ANKRD13A: variants seen among roughly 807,000 people sequenced by gnomAD.
The protein encoded by ANKRD13A is ankyrin repeat domain-containing protein 13A.
ANKRD13A carries 48 observed loss-of-function variants against 81.3 expected under a neutral mutation model. The observed-to-expected ratio is 0.59, with a 90% CI of 0.47 to 0.75. The LOEUF (loss-of-function observed/expected upper bound fraction) is 0.75. Among genes scored for constraint, ANKRD13A ranks in the 30% least tolerant of loss-of-function variants. The pLI is 0.00. For synonymous variants in ANKRD13A, 230 were observed against 270.1 expected (o/e 0.85, Z 1.45); for missense variants, 612 against 734.0 (o/e 0.83, Z 1.92).
intron 12 of ANKRD13A, among the ~76,000 whole-genome samples, chr12:110,033,159 T>C (rs932465068): frequency 6.6e-6 from 1 of 150,804 alleles, no homozygotes; most frequent in African/African-American, 2.4e-5. Flanking sequence ...GTTCATGCCA[T>C]TCTCCTGCCT....
chr12:110,026,707 C>G (rs1046150336), intron 8 of ANKRD13A, among the ~76,000 whole-genome samples: 2 of 152,004 alleles, frequency 1.3e-5, no homozygotes, highest in African/African-American at 4.8e-5. Context: ...TATGGTGAAA[C>G]CCTATCTTTA....
At chr12:110,026,357 T>C (rs1012851040) in intron 8 of ANKRD13A, among the ~76,000 whole-genome samples, 1 of 150,848 alleles carries the variant, frequency 6.6e-6, no homozygotes, top group African/African-American at 2.4e-5. Flanking sequence ...GCGAGTCACC[T>C]GAGGTCGGGA....
intron 1 of ANKRD13A, among the ~76,000 whole-genome samples, chr12:110,007,723 A>C (rs1422256296): frequency 2.0e-5 from 3 of 152,122 alleles, no homozygotes; most frequent in Admixed American, 6.5e-5. Context: ...ATGGTTTAAG[A>C]GTATGTAAGT....
chr12:110,027,686 A>G lies in ANKRD13A; in HGVS notation c.884-19A>G. On this transcript the variant is annotated intron_variant, in intron 8 of 14. Transcript: ENST00000261739. The stretch of plus-strand genomic sequence containing the variant: ...AGTGAGATATAATATTAGACTTTAA[A>G]CTCCCTACCCCTCTGTAGCAGACAG... 1 of 1,613,248 alleles carries G rather than the reference A, an allele frequency of 6.2e-7. No homozygotes were observed. Among genetic ancestry groups the G allele is most frequent in the Non-Finnish European group, 8.5e-7 (1 of 1,179,402 alleles).
In ANKRD13A at chr12:110,019,296, C is replaced by T. The variant is rs973237432; in HGVS notation, c.702C>T (p.Thr234=). The T allele has an allele frequency of 1.2e-6, 2 of 1,610,336 alleles. No individual in the cohort carries two copies. Among genetic ancestry groups the T allele is most frequent in the Non-Finnish European group, 1.7e-6 (2 of 1,178,284 alleles). The change falls in exon 6 of 15, where the codon ACC becomes ACT. Residue 234 remains threonine, a synonymous_variant. Coordinates refer to ENST00000261739, the MANE Select transcript of ANKRD13A (RefSeq NM_033121.2). ...GGCTCACAAGCCCTGTCATTAACAC[C>T]AGCCTCGATACTAAAAATATTGCTT... The part of the protein sequence containing the change: ...ERRLTSPVIN[T]SLDTKNIAFE...
At chr12:110,016,272 T>G in intron 3 of ANKRD13A, 116 bp from the exon 4 acceptor site, 2 of 789,712 alleles carry the variant, frequency 2.5e-6, no homozygotes, top group Non-Finnish European at 3.7e-6. Flanking sequence ...TATTTCTTCT[T>G]ATTTTCTCTT....
Position 110,001,736 on chromosome 12 carries a change from G to T in ANKRD13A, c.96+1952G>T, listed in dbSNP as rs1045147415. Reference sequence around the variant, plus strand: ...TTGCCGGCCTTTTTTCATTTAAAAAGAATTCCAGATACGATAAACTTTTGT... The same window carrying T: ...TTGCCGGCCTTTTTTCATTTAAAAATAATTCCAGATACGATAAACTTTTGT... On this transcript the variant is annotated intron_variant, in intron 1 of 14. Transcript: ENST00000261739. 9.5e-5 allele frequency among the ~76,000 whole-genome samples: 14 copies of T among 148,116 alleles called. No individual in the cohort carries two copies. The Admixed American group carries it at 9.5e-4, about 10-fold the overall frequency.
chr12:110,022,895 T>C (rs1001050760), intron 6 of ANKRD13A, among the ~76,000 whole-genome samples: 1 of 152,186 alleles, frequency 6.6e-6, no homozygotes, highest in African/African-American at 2.4e-5. Flanking sequence ...GCTGTCCTAA[T>C]TGTAGACAAC....
Position 110,016,181 on chromosome 12 carries a change from G to A in ANKRD13A, c.355-207G>A, listed in dbSNP as rs544250267. Among the ~76,000 whole-genome samples, 18 of 150,538 alleles carry A rather than the reference G, an allele frequency of 1.2e-4. No homozygotes were observed. The East Asian group carries it at 2.4e-3, about 20-fold the overall frequency. On this transcript the variant is annotated intron_variant, in intron 3 of 14. Coordinates refer to ENST00000261739, the MANE Select transcript of ANKRD13A (RefSeq NM_033121.2). ...CCAGGCTGGTCTCAAACTCCTGAGC[G>A]CAAGTGATCACCCGCCTCAGCCTCC...
intron 6 of ANKRD13A, chr12:110,023,623 C>G (rs1309661343): frequency 6.0e-6 from 1 of 165,482 alleles, no homozygotes; most frequent in Non-Finnish European, 1.3e-5. Flanking sequence ...GATGTGGCTA[C>G]TTGTGGAGAT....
At chr12:110,035,542 C>T (rs1457507573) in intron 13 of ANKRD13A, among the ~76,000 whole-genome samples, 1 of 151,996 alleles carries the variant, frequency 6.6e-6, no homozygotes, top group Non-Finnish European at 1.5e-5. Flanking sequence ...CTCTGCCTCC[C>T]AGGTTCAAGT....
At chr12:110,027,992 T>G (rs1891441839) in intron 9 of ANKRD13A, 1 of 548,828 alleles carries the variant, frequency 1.8e-6, no homozygotes, top group African/African-American at 1.9e-5. Context: ...ATCAGGTGCT[T>G]TCCCTCTTAT....
At chr12:110,030,239 T>C (rs1469914726) in intron 11 of ANKRD13A, among the ~76,000 whole-genome samples, 1 of 151,226 alleles carries the variant, frequency 6.6e-6, no homozygotes, top group Admixed American at 6.6e-5. Flanking sequence ...TGATCTTGGC[T>C]CACTGCAACC....
intron 12 of ANKRD13A, 106 bp from the exon 13 acceptor site, chr12:110,033,691 T>C (rs560435288): frequency 1.2e-5 from 13 of 1,096,340 alleles, no homozygotes; most frequent in Non-Finnish European, 1.7e-5. Flanking sequence ...GCCTTGATTG[T>C]TATAATTTTG....
intron 9 of ANKRD13A, 67 bp downstream of exon 9, chr12:110,027,833 G>T: frequency 6.6e-7 from 1 of 1,520,344 alleles, no homozygotes; most frequent in South Asian, 1.1e-5. Context: ...TGTCTGGGAT[G>T]GCATTTACTG....
At chr12:110,033,589 G>A (rs1244805991) in intron 12 of ANKRD13A, among the ~76,000 whole-genome samples, 2 of 152,054 alleles carry the variant, frequency 1.3e-5, no homozygotes, top group East Asian at 1.9e-4. Context: ...GACTGTGTTC[G>A]TTGTTTCCAC....
chr12:110,006,608 T>C (rs1890253980), intron 1 of ANKRD13A, among the ~76,000 whole-genome samples: 1 of 152,152 alleles, frequency 6.6e-6, no homozygotes, highest in African/African-American at 2.4e-5. Context: ...TTGTCTTTTT[T>C]TTTTTGAGAT....
At chr12:110,019,539 C>T (rs1447981499) in intron 6 of ANKRD13A, among the ~76,000 whole-genome samples, 1 of 152,140 alleles carries the variant, frequency 6.6e-6, no homozygotes. Context: ...TCTTAGAAGA[C>T]TTAACCAACA....
At chr12:110,026,097 G>A (rs577704526) in intron 8 of ANKRD13A, among the ~76,000 whole-genome samples, 3 of 151,768 alleles carry the variant, frequency 2.0e-5, no homozygotes, top group Non-Finnish European at 4.4e-5. Flanking sequence ...GAGTAGCTGG[G>A]ATTACAAGCA....
Sources: gnomAD v4.1 joint callset for allele counts (sites outside exome capture counted in the v4.1 genomes callset) on GRCh38, gnomAD v4.1.1 for gene constraint, MANE v1.5 for transcripts, NCBI Gene and HGNC (gene_info 2026-07-23, HGNC 2026-07-21) for gene names.